Variants in L3MBTL4 observed in about 807,000 individuals in gnomAD.
L3MBTL4 encodes L3MBTL histone methyl-lysine binding protein 4, also known as lethal(3)malignant brain tumor-like protein 4.
In L3MBTL4, 70 loss-of-function variants were observed where a neutral mutation model predicts 84.5. The observed-to-expected ratio is 0.83, with a 90% CI of 0.68 to 1.01. The LOEUF (loss-of-function observed/expected upper bound fraction) is 1.01, where lower values mean the gene tolerates loss of function less well. Among genes scored for constraint, L3MBTL4 ranks in the 50% least tolerant of loss-of-function variants. L3MBTL4 has a pLI of 0.00. For missense variants in L3MBTL4, 715 were observed against 754.8 expected, an observed-to-expected ratio of 0.95 and a Z score of 0.62; for synonymous variants, 274 against 259.8, an observed-to-expected ratio of 1.05 and a Z score of -0.52.
chr18:6,004,997 A>ATTTTTTTTTTTTTTTTTTTTTTTTTTTT (rs60294342), intron 16 of L3MBTL4, among the ~76,000 whole-genome samples: 1 of 52,150 alleles, frequency 1.9e-5, no homozygotes, highest in African/African-American at 6.8e-5. Context: ...TAAGATGATA[A>ATTTTTTTTTTTTTTTTTTTTTTTTTTTT]TTTTTTTTTT....
intron 14 of L3MBTL4, among the ~76,000 whole-genome samples, chr18:6,118,646 T>C (rs979809414): frequency 1.3e-5 from 2 of 152,214 alleles, no homozygotes; most frequent in Non-Finnish European, 2.9e-5. Flanking sequence ...ATTGAAGATA[T>C]TAATGCAAAC....
chr18:6,138,060 C>T, intron 14 of L3MBTL4, 134 bp downstream of exon 14: 2 of 535,986 alleles, frequency 3.7e-6, no homozygotes, highest in Non-Finnish European at 6.6e-6. Flanking sequence ...AAGGAAAGGC[C>T]TCAGCAACAC....
intron 14 of L3MBTL4, among the ~76,000 whole-genome samples, chr18:6,123,290 G>A (rs1274621756): frequency 1.3e-5 from 2 of 152,170 alleles, no homozygotes; most frequent in African/African-American, 4.8e-5. Context: ...ATTATGTTGT[G>A]ATGTATCTCT....
chr18:5,990,212 A>G (rs1159462389), intron 16 of L3MBTL4, among the ~76,000 whole-genome samples: 1 of 152,210 alleles, frequency 6.6e-6, no homozygotes, highest in Non-Finnish European at 1.5e-5. Context: ...GGTTACGTGT[A>G]TTGCTGGACT....
intron 14 of L3MBTL4, among the ~76,000 whole-genome samples, chr18:6,097,668 C>T (rs976793403): frequency 4.0e-4 from 61 of 152,158 alleles, no homozygotes; most frequent in Non-Finnish European, 1.3e-4. Context: ...AGCAGTGCCC[C>T]GGTCTGATGT....
chr18:6,125,179 AAAGG>A (rs892912810), intron 14 of L3MBTL4, among the ~76,000 whole-genome samples: 8 of 151,802 alleles, frequency 5.3e-5, no homozygotes, highest in South Asian at 2.1e-4. Context: ...AGGAAGGAGG[AAAGG>A]AAGGAAGGAA....
intron 12 of L3MBTL4, among the ~76,000 whole-genome samples, chr18:6,206,732 C>T (rs530737087): frequency 6.6e-6 from 1 of 152,220 alleles, no homozygotes; most frequent in Non-Finnish European, 1.5e-5. Context: ...GGGTTATCAA[C>T]TGATAGGAGA....
chr18:6,019,829 G>A (rs1488372432), intron 16 of L3MBTL4, among the ~76,000 whole-genome samples: 1 of 152,214 alleles, frequency 6.6e-6, no homozygotes, highest in African/African-American at 2.4e-5. Flanking sequence ...TCCCTTTTCT[G>A]TGCAAATTTA....
At chr18:6,361,322 G>A (rs2053684677) in intron 1 of L3MBTL4, among the ~76,000 whole-genome samples, 2 of 152,036 alleles carry the variant, frequency 1.3e-5, no homozygotes, top group Non-Finnish European at 2.9e-5. Flanking sequence ...AGTCTACCAG[G>A]CTCTCTTGCC....
At chr18:6,235,831 C>T (rs756712900) in intron 10 of L3MBTL4, among the ~76,000 whole-genome samples, 1 of 152,070 alleles carries the variant, frequency 6.6e-6, no homozygotes, top group Non-Finnish European at 1.5e-5. Context: ...TAACTGTATG[C>T]TGTGTGAATT....
chr18:6,213,906 GT>G (rs1233009871), intron 11 of L3MBTL4, among the ~76,000 whole-genome samples: 2 of 152,090 alleles, frequency 1.3e-5, no homozygotes, highest in Non-Finnish European at 2.9e-5. Flanking sequence ...TATTAGTTTA[GT>G]TTTTTTCCTT....
chr18:6,277,020 A>G (rs1462103014), intron 4 of L3MBTL4, among the ~76,000 whole-genome samples: 1 of 151,694 alleles, frequency 6.6e-6, no homozygotes, highest in Non-Finnish European at 1.5e-5. Context: ...CTATAATTTC[A>G]TTTCTAGAGT....
intron 16 of L3MBTL4, among the ~76,000 whole-genome samples, chr18:6,000,033 T>C (rs1356153103): frequency 6.6e-6 from 1 of 152,034 alleles, no homozygotes; most frequent in Non-Finnish European, 1.5e-5. Context: ...CCTGTCAATA[T>C]AGATGTGTGT....
intron 10 of L3MBTL4, among the ~76,000 whole-genome samples, chr18:6,228,124 A>G (rs1169600667): frequency 4.6e-5 from 7 of 152,230 alleles, no homozygotes; most frequent in Non-Finnish European, 1.0e-4. Flanking sequence ...CTAGACATAC[A>G]TTGTCAATTA....
intron 1 of L3MBTL4, among the ~76,000 whole-genome samples, chr18:6,387,527 A>T (rs141560849): frequency 3.3e-5 from 5 of 152,330 alleles, no homozygotes; most frequent in African/African-American, 1.2e-4. Flanking sequence ...GGCATTTGGC[A>T]TTCTTTAATG....
intron 1 of L3MBTL4, among the ~76,000 whole-genome samples, chr18:6,401,822 C>T (rs1217918467): frequency 6.6e-6 from 1 of 152,198 alleles, no homozygotes; most frequent in Non-Finnish European, 1.5e-5. Context: ...AATGTACAGG[C>T]AAGTGTGCGG....
intron 13 of L3MBTL4, among the ~76,000 whole-genome samples, chr18:6,139,804 C>T (rs550212130): frequency 1.3e-5 from 2 of 152,282 alleles, no homozygotes; most frequent in South Asian, 2.1e-4. Context: ...GGACCGTCTT[C>T]CTCTCTGTGC....
At chr18:6,375,555 T>C (rs924587625) in intron 1 of L3MBTL4, among the ~76,000 whole-genome samples, 1 of 152,128 alleles carries the variant, frequency 6.6e-6, no homozygotes, top group African/African-American at 2.4e-5. Flanking sequence ...AGCGCTTCCC[T>C]TAGCATGACA....
intron 17 of L3MBTL4, among the ~76,000 whole-genome samples, chr18:5,963,917 T>A (rs1298797287): frequency 6.6e-6 from 1 of 152,224 alleles, no homozygotes; most frequent in Non-Finnish European, 1.5e-5. Flanking sequence ...GAAACGACCA[T>A]CCACTTGCCC....
Sources: allele counts gnomAD v4.1 joint callset (sites outside exome capture counted in the v4.1 genomes callset), GRCh38; gene constraint gnomAD v4.1.1; transcripts MANE v1.5; gene names NCBI Gene and HGNC (gene_info 2026-07-23, HGNC 2026-07-21).